Variants in TAB2 observed in about 807,000 individuals in gnomAD.
The protein encoded by TAB2 is TGF-beta activated kinase 1 (MAP3K7) binding protein 2.
A neutral mutation model predicts 65.0 loss-of-function variants in TAB2; 3 were observed. The observed-to-expected ratio is 0.05, with a 90% confidence interval of 0.02 to 0.12. The LOEUF (loss-of-function observed/expected upper bound fraction) is 0.12. TAB2 is among the 10% of genes least tolerant of loss of function. The pLI is 1.00. For synonymous variants in TAB2, 298 were observed against 285.1 expected (o/e 1.05, Z -0.46); for missense variants, 623 against 840.3 (o/e 0.74, Z 3.20).
chr6:149,357,505 C>CT (rs1367572761), intron 1 of TAB2, among the ~76,000 whole-genome samples: 1 of 88,602 alleles, frequency 1.1e-5, no homozygotes, highest in African/African-American at 4.0e-5. Context: ...AGTAAAGACT[C>CT]TTTATCAATA....
intron 1 of TAB2, among the ~76,000 whole-genome samples, chr6:149,307,443 C>A (rs1779090618): frequency 1.3e-5 from 2 of 152,136 alleles, no homozygotes; most frequent in South Asian, 4.2e-4. Flanking sequence ...TTCCACCACA[C>A]CCCCACCCCT....
chr6:149,323,562 G>A (rs472620), intron 1 of TAB2, among the ~76,000 whole-genome samples: 18,570 of 151,958 alleles, frequency 0.12, 1,741 homozygotes, highest in East Asian at 0.51. Context: ...AAGTGAAAAC[G>A]TCCCACCAGC....
chr6:149,332,789 G>A (rs1779821552), intron 1 of TAB2, among the ~76,000 whole-genome samples: 1 of 152,180 alleles, frequency 6.6e-6, no homozygotes, highest in African/African-American at 2.4e-5. Context: ...AAATACATCA[G>A]TAAAGGGAGC....
intron 6 of TAB2, among the ~76,000 whole-genome samples, chr6:149,409,365 TAC>T (rs1387802431): frequency 2.6e-5 from 4 of 152,176 alleles, no homozygotes; most frequent in African/African-American, 9.7e-5. Flanking sequence ...TGGAGGTGAT[TAC>T]ATCATGTTCA....
At chr6:149,392,146 G>C (rs533200535) in intron 3 of TAB2, among the ~76,000 whole-genome samples, 1 of 137,068 alleles carries the variant, frequency 7.3e-6, no homozygotes, top group Non-Finnish European at 1.6e-5. Context: ...GGCAGGGGGC[G>C]GGGGGGCGGG....
At chr6:149,267,594 G>A (rs1398962681) in intron 1 of TAB2, among the ~76,000 whole-genome samples, 1 of 152,096 alleles carries the variant, frequency 6.6e-6, no homozygotes, top group Non-Finnish European at 1.5e-5. Context: ...CTAACAAACA[G>A]CAAGAACTCA....
intron 3 of TAB2, among the ~76,000 whole-genome samples, chr6:149,393,156 A>G (rs909746991): frequency 1.3e-5 from 2 of 152,234 alleles, no homozygotes; most frequent in South Asian, 4.1e-4. Flanking sequence ...TAGTATATTC[A>G]TAGCATTTTT....
chr6:149,358,174 C>T (rs369659344), intron 1 of TAB2, among the ~76,000 whole-genome samples: 1 of 152,038 alleles, frequency 6.6e-6, no homozygotes, highest in Non-Finnish European at 1.5e-5. Flanking sequence ...AAAAATGTTT[C>T]GGATTTTGGA....
At chr6:149,396,463 G>GT (rs1782175364) in intron 3 of TAB2, among the ~76,000 whole-genome samples, 1 of 152,146 alleles carries the variant, frequency 6.6e-6, no homozygotes, top group Non-Finnish European at 1.5e-5. Context: ...ACTGTAATCT[G>GT]TTTGGCTTTT....
intron 1 of TAB2, among the ~76,000 whole-genome samples, chr6:149,337,078 A>G (rs1285434749): frequency 6.6e-6 from 1 of 152,194 alleles, no homozygotes; most frequent in Non-Finnish European, 1.5e-5. Context: ...TTCAGATTAC[A>G]GCTGTTGATA....
intron 3 of TAB2, among the ~76,000 whole-genome samples, chr6:149,384,172 G>A (rs1474717959): frequency 1.3e-5 from 2 of 152,132 alleles, no homozygotes; most frequent in Non-Finnish European, 2.9e-5. Context: ...GTGGAGCCAG[G>A]CACTAGAATC....
intron 1 of TAB2, among the ~76,000 whole-genome samples, chr6:149,343,359 T>A (rs1780190558): frequency 6.6e-6 from 1 of 152,020 alleles, no homozygotes; most frequent in Non-Finnish European, 1.5e-5. Context: ...TAGTCCCAGC[T>A]GCTTGGGAGC....
chr6:149,400,854 A>G (rs898539833), intron 6 of TAB2: 18 of 701,698 alleles, frequency 2.6e-5, no homozygotes, highest in South Asian at 6.2e-5. Context: ...AGTAACTGGT[A>G]TGTGTACACA....
intron 1 of TAB2, among the ~76,000 whole-genome samples, chr6:149,295,047 T>C (rs1377960719): frequency 6.6e-6 from 1 of 152,258 alleles, no homozygotes; most frequent in Non-Finnish European, 1.5e-5. Context: ...TGTCTCCTTC[T>C]CACCTTACTG....
At chr6:149,237,310 G>A (rs970618558) in intron 1 of TAB2, among the ~76,000 whole-genome samples, 2 of 152,054 alleles carry the variant, frequency 1.3e-5, no homozygotes, top group Non-Finnish European at 2.9e-5. Flanking sequence ...CCCACCTCTT[G>A]CAAAGTCTTC....
chr6:149,400,484 G>A (rs1163352574), intron 6 of TAB2: 5 of 1,614,264 alleles, frequency 3.1e-6, no homozygotes, highest in Non-Finnish European at 4.2e-6. Flanking sequence ...CTGTGGTGCA[G>A]TTTAAGATTA....
chr6:149,260,911 G>A (rs767112392), intron 1 of TAB2, among the ~76,000 whole-genome samples: 7 of 152,138 alleles, frequency 4.6e-5, no homozygotes, highest in Non-Finnish European at 7.4e-5. Flanking sequence ...TTCTGTAAAT[G>A]ACAATGCATT....
chr6:149,306,557 C>CAAAAAAAAAA (rs58001933), intron 1 of TAB2, among the ~76,000 whole-genome samples: 4 of 108,604 alleles, frequency 3.7e-5, no homozygotes, highest in African/African-American at 1.2e-4. Flanking sequence ...GACTCCGTCT[C>CAAAAAAAAAA]AAAAAAAAAA....
At chr6:149,248,160 G>A (rs1777766459) in intron 1 of TAB2, among the ~76,000 whole-genome samples, 3 of 152,176 alleles carry the variant, frequency 2.0e-5, no homozygotes, top group Admixed American at 2.0e-4. Context: ...GGGAGGCCGA[G>A]GTGAGTGGGT....
Sources: allele counts gnomAD v4.1 joint callset (sites outside exome capture counted in the v4.1 genomes callset), GRCh38; gene constraint gnomAD v4.1.1; transcripts MANE v1.5; gene names NCBI Gene and HGNC (gene_info 2026-07-23, HGNC 2026-07-21).